Variants in SLC11A1 observed in about 807,000 individuals in gnomAD.
The protein encoded by SLC11A1 is solute carrier family 11 member 1.
A neutral mutation model predicts 63.2 loss-of-function variants in SLC11A1; 59 were observed. The ratio of observed to expected loss-of-function variants is 0.93; its 90% confidence interval spans 0.76 to 1.16. The LOEUF is 1.16. SLC11A1 is among the 50% of genes most tolerant of loss of function. The probability of loss-of-function intolerance (pLI) is 0.00; values close to 1 mark genes in which losing one functional copy is unlikely to be tolerated. For synonymous variants in SLC11A1, 305 were observed against 307.8 expected (o/e 0.99, Z 0.09); for missense variants, 688 against 730.7 (o/e 0.94, Z 0.67).
chr2:218,392,828 C>T (rs1212883554), intron 11 of SLC11A1, 153 bp from the exon 12 acceptor site: 9 of 557,940 alleles, frequency 1.6e-5, no homozygotes, highest in Non-Finnish European at 2.7e-5. Flanking sequence ...CACCCATCCC[C>T]TCTTGCCACC....
At chr2:218,388,941 G>C (rs1396078499) in intron 8 of SLC11A1, among the ~76,000 whole-genome samples, 2 of 151,952 alleles carry the variant, frequency 1.3e-5, no homozygotes, top group East Asian at 3.9e-4. Flanking sequence ...ATAAAACCCT[G>C]TCTCTACCAA....
chr2:218,394,595 C>T (rs1559126002), intron 13 of SLC11A1, 37 bp from the exon 14 acceptor site: 1 of 1,603,398 alleles, frequency 6.2e-7, no homozygotes, highest in Non-Finnish European at 8.5e-7. Context: ...GGGCCAGCAG[C>T]AACCAGCCAG....
rs1695994669 is a variant in SLC11A1 at position 218,384,886 on chromosome 2, G to A, written c.274-261G>A. 1 of 400,710 alleles carries A rather than the reference G, an allele frequency of 2.5e-6. No homozygotes were observed. Among genetic ancestry groups the A allele is most frequent in the Non-Finnish European group, 4.7e-6 (1 of 213,576 alleles). The allele number at this position is 400,710 out of a possible 1,614,324, so 24.8% of individuals were successfully genotyped here. On this transcript the variant is annotated intron_variant, in intron 3 of 14. Coordinates refer to ENST00000233202, the MANE Select transcript of SLC11A1 (RefSeq NM_000578.4). The surrounding 1 kb of genome is among the most constrained non-coding windows in gnomAD (Gnocchi z 4.0). The stretch of plus-strand genomic sequence containing the variant: ...ACAGGTGTGAGCCACCTTGCCTGGC[G>A]TAATTTATTTATTTATTTAGAGATG...
At chr2:218,387,515 TCA>T (rs1221008251) in intron 6 of SLC11A1, 48 bp from the exon 7 acceptor site, 2 of 1,590,502 alleles carry the variant, frequency 1.3e-6, no homozygotes, top group Middle Eastern at 1.7e-4. Flanking sequence ...ATTGTTGATG[TCA>T]CAGATTTTTT....
intron 4 of SLC11A1, 73 bp downstream of exon 4, chr2:218,385,339 T>A: frequency 1.3e-6 from 2 of 1,591,158 alleles, no homozygotes; most frequent in South Asian, 1.1e-5. Context: ...GCTTCCACGA[T>A]CAAATAAATA....
intron 12 of SLC11A1, 50 bp from the exon 13 acceptor site, chr2:218,394,070 C>G (rs753656771): frequency 1.2e-6 from 2 of 1,601,808 alleles, no homozygotes; most frequent in South Asian, 1.1e-5. Flanking sequence ...CCACCCTTGC[C>G]ATATTCTGAG....
chr2:218,391,677 T>C, intron 11 of SLC11A1, 182 bp downstream of exon 11: 1 of 765,822 alleles, frequency 1.3e-6, no homozygotes. Flanking sequence ...CAGGCTGGAG[T>C]GCAGTGGCGC....
intron 12 of SLC11A1, among the ~76,000 whole-genome samples, 199 bp downstream of exon 12, chr2:218,393,329 C>A (rs948990426): frequency 6.7e-6 from 1 of 150,094 alleles, no homozygotes; most frequent in Admixed American, 6.6e-5. Flanking sequence ...TCCCACCCCC[C>A]AGATGGTCTC....
At position 218,385,135 on chromosome 2, in the gene SLC11A1, G is replaced by A; in HGVS notation, c.274-12G>A. On this transcript the variant is annotated splice_polypyrimidine_tract_variant and intron_variant, in intron 3 of 14. Coordinates refer to ENST00000233202, the MANE Select transcript of SLC11A1 (RefSeq NM_000578.4). ...CCTCTCTGGCTGAAGGCCTCTCCCT[G>A]CCTCCTCACAGCTTCTCTGGGTGCT... 6.2e-7 allele frequency: 1 copy of A among 1,613,100 alleles called. No homozygotes were observed. Among genetic ancestry groups the A allele is most frequent in the South Asian group, 1.1e-5 (1 of 91,084 alleles).
At position 218,384,569 on chromosome 2, in the gene SLC11A1, A is replaced by C; in HGVS notation, c.273+204A>C. 2 of 249,214 alleles carry C rather than the reference A, an allele frequency of 8.0e-6. No homozygotes were observed. The highest frequency in any genetic ancestry group is 7.6e-6 in the Non-Finnish European group (1 of 132,390). 15.4% of individuals were successfully genotyped at this position (249,214 alleles called of 1,614,324 possible). A position where few individuals can be genotyped will look rare whatever the true frequency, so the allele number is the denominator to read the frequency against. ...GGTAGGGGACTGGACTCCTCTCTTTAAAATATATATATGTATATTTATTTA... is the reference window on the plus strand; with the variant it reads ...GGTAGGGGACTGGACTCCTCTCTTTCAAATATATATATGTATATTTATTTA... On this transcript the variant is annotated intron_variant, in intron 3 of 14. Transcript: ENST00000233202. This position sits in a 1 kb window ranked among gnomAD's most constrained non-coding sequence, Gnocchi z 4.0.
chr2:218,384,334 A>G lies in SLC11A1; in HGVS notation c.242A>G (p.Asp81Gly), dbSNP rs771325628. Residue 81 changes from aspartate (D) to glycine (G), a missense_variant, in exon 3 of 15, where the codon GAT (aspartate) becomes GGT (glycine). Physicochemically the swap from Asp to Gly is moderately conservative, Grantham distance 94. Coordinates refer to ENST00000233202, the MANE Select transcript of SLC11A1 (RefSeq NM_000578.4). The surrounding 1 kb of genome is among the most constrained non-coding windows in gnomAD (Gnocchi z 4.0). ...CTGGACCCAGGAAACATCGAGTCAG[A>G]TCTTCAGGCTGGCGCCGTGGCGGGA... is the stretch of plus-strand genomic sequence containing the variant. ...AFLDPGNIES[D>G]LQAGAVAGFK... is the part of the protein sequence containing the mutation. The G allele has an allele frequency of 6.2e-7, 1 of 1,608,136 alleles. No homozygotes were observed. The highest frequency in any genetic ancestry group is 8.5e-7 in the Non-Finnish European group (1 of 1,175,812).
chr2:218,387,829 G>T lies in SLC11A1; in HGVS notation c.669G>T (p.Ala223=). The T allele has an allele frequency of 6.2e-7, 1 of 1,604,148 alleles. No homozygotes were observed. Among genetic ancestry groups the T allele is most frequent in the South Asian group, 1.1e-5 (1 of 90,300 alleles). ...EYVVARPEQG[A]LLRGLFLPSC... ...TGGTGGCGCGTCCTGAGCAGGGAGC[G>T]CTTCTTCGGGGCCTGTTCCTGCCCT... Residue 223 remains alanine, a synonymous_variant, in exon 8 of 15, where the codon GCG becomes GCT. Coordinates refer to ENST00000233202, the MANE Select transcript of SLC11A1 (RefSeq NM_000578.4).
In SLC11A1 at chr2:218,384,469, C is replaced by T; in HGVS notation, c.273+104C>T. On this transcript the variant is annotated intron_variant, in intron 3 of 14. Transcript: ENST00000233202. This position sits in a 1 kb window ranked among gnomAD's most constrained non-coding sequence, Gnocchi z 4.0. ...ATGTTTCTCCAATGTGGCCTGGGAG[C>T]TGGTGTTAAGTTCAAATGGGCCCGA... is the stretch of plus-strand genomic sequence containing the variant. 6 of 1,418,318 alleles carry T rather than the reference C, an allele frequency of 4.2e-6. No individual in the cohort carries two copies. The highest frequency in any genetic ancestry group is 1.4e-5 in the South Asian group (1 of 70,886). 87.9% of individuals were successfully genotyped at this position (1,418,318 alleles called of 1,614,324 possible).
In SLC11A1 at chr2:218,394,801, G is replaced by C. The variant is rs778126984; in HGVS notation, c.1542+16G>C. The C allele has an allele frequency of 1.4e-5, 22 of 1,610,588 alleles. No homozygotes were observed. The highest frequency in any genetic ancestry group is 1.8e-5 in the Non-Finnish European group (21 of 1,179,892). ...CACCTACCTGGTACAGTAGGGCCAGGGGATGCCTTGGGAATGGATGAGGGA... is the reference window on the plus strand; with the variant it reads ...CACCTACCTGGTACAGTAGGGCCAGCGGATGCCTTGGGAATGGATGAGGGA... On this transcript the variant is annotated intron_variant, in intron 14 of 14. Transcript: ENST00000233202.
At chr2:218,393,263 TC>T in intron 12 of SLC11A1, 133 bp downstream of exon 12, 1 of 905,832 alleles carries the variant, frequency 1.1e-6, no homozygotes, top group Non-Finnish European at 1.5e-6. Context: ...GCTTCCATTG[TC>T]CCCACAGCCA....
chr2:218,390,157 A>G, intron 9 of SLC11A1, 129 bp downstream of exon 9: 2 of 937,636 alleles, frequency 2.1e-6, no homozygotes, highest in Admixed American at 3.0e-5. Context: ...CTGTTGGCAG[A>G]TATCATTCAT....
chr2:218,388,024 C>T, intron 8 of SLC11A1, 69 bp downstream of exon 8: 1 of 1,453,314 alleles, frequency 6.9e-7, no homozygotes, highest in Non-Finnish European at 9.2e-7. Flanking sequence ...GCCTCCAAGC[C>T]TGGAGCCCCT....
In SLC11A1 at chr2:218,385,135, G is replaced by T; in HGVS notation, c.274-12G>T. ...CCTCTCTGGCTGAAGGCCTCTCCCT[G>T]CCTCCTCACAGCTTCTCTGGGTGCT... On this transcript the variant is annotated splice_polypyrimidine_tract_variant and intron_variant, in intron 3 of 14. Coordinates refer to ENST00000233202, the MANE Select transcript of SLC11A1 (RefSeq NM_000578.4). 2 of 1,613,102 alleles carry T rather than the reference G, an allele frequency of 1.2e-6. No individual in the cohort carries two copies. Among genetic ancestry groups the T allele is most frequent in the Non-Finnish European group, 8.5e-7 (1 of 1,179,654 alleles).
chr2:218,391,572 C>G, intron 11 of SLC11A1, 77 bp downstream of exon 11: 1 of 1,386,730 alleles, frequency 7.2e-7, no homozygotes, highest in Non-Finnish European at 9.6e-7. Flanking sequence ...GAACTCCGAG[C>G]CTTGTGGGTC....
Sources: allele counts gnomAD v4.1 joint callset (sites outside exome capture counted in the v4.1 genomes callset), GRCh38; gene constraint gnomAD v4.1.1; non-coding constraint Gnocchi (gnomAD v3.1); transcripts MANE v1.5; gene names NCBI Gene and HGNC (gene_info 2026-07-23, HGNC 2026-07-21).